Variants in NUTM2F observed in about 807,000 individuals in gnomAD.
NUTM2F encodes the protein family with sequence similarity 22, member F.
Under a neutral mutation model 43.3 loss-of-function variants are expected in NUTM2F, and 22 were observed. The ratio of observed to expected loss-of-function variants is 0.51; its 90% CI spans 0.36 to 0.73. The LOEUF (loss-of-function observed/expected upper bound fraction) is 0.73, where lower values mean the gene tolerates loss of function less well. NUTM2F is among the 30% of genes least tolerant of loss of function. The pLI, the probability that NUTM2F is intolerant of heterozygous loss-of-function variation, is 0.00. For synonymous variants in NUTM2F, 202 were observed against 389.0 expected (o/e 0.52, Z 5.66); for missense variants, 488 against 927.4 (o/e 0.53, Z 6.15).
chr9:94,323,727 T>C (rs1480088575), intron 2 of NUTM2F, among the ~76,000 whole-genome samples: 4 of 152,142 alleles, frequency 2.6e-5, no homozygotes, highest in African/African-American at 7.2e-5. Flanking sequence ...GAAACACCAT[T>C]GTCCTTTTTT....
chr9:94,320,934 G>A lies in NUTM2F; in HGVS notation c.982+159C>T, dbSNP rs182051654. ...TGATCACGGGCCACCCATGAAGTAGGTATTCACCTGGTCAATACCCAACAT... is the reference window on the plus strand; with the variant it reads ...TGATCACGGGCCACCCATGAAGTAGATATTCACCTGGTCAATACCCAACAT... On this transcript the variant is annotated intron_variant, in intron 4 of 6. Coordinates refer to ENST00000253262, the MANE Select transcript of NUTM2F (RefSeq NM_017561.2). The surrounding 1 kb of genome is among the most constrained non-coding windows in gnomAD (Gnocchi z 4.5). Among the ~76,000 whole-genome samples the A allele has an allele frequency of 5.6e-4, 86 of 152,334 alleles. No homozygotes were observed. Among genetic ancestry groups the A allele is most frequent in the African/African-American group, 2.1e-3 (86 of 41,576 alleles).
chr9:94,323,866 T>C (rs2118733993), intron 2 of NUTM2F, among the ~76,000 whole-genome samples: 1 of 152,200 alleles, frequency 6.6e-6, no homozygotes, highest in African/African-American at 2.4e-5. Flanking sequence ...ACAGTGTGGG[T>C]GTGTGCCAGG....
In NUTM2F at chr9:94,320,880, A is replaced by G. The variant is rs1298919866; in HGVS notation, c.982+213T>C. Among the ~76,000 whole-genome samples the G allele has an allele frequency of 6.6e-6, 1 of 152,176 alleles. No individual in the cohort carries two copies. The highest frequency in any genetic ancestry group is 1.5e-5 in the Non-Finnish European group (1 of 68,020). On this transcript the variant is annotated intron_variant, in intron 4 of 6. Coordinates refer to ENST00000253262, the MANE Select transcript of NUTM2F (RefSeq NM_017561.2). The surrounding 1 kb of genome is among the most constrained non-coding windows in gnomAD (Gnocchi z 4.5). ...CAGGCAAGGGGAGAGAGAAAGTAGG[A>G]AACTTGGCCCGGTCAATACCCTGCT...
chr9:94,320,466 G>T lies in NUTM2F; in HGVS notation c.1110C>A (p.Asn370Lys), dbSNP rs201613053. ...GGGGCCTGGGTGGTGGCAGGTGGGC[G>T]TTGGTCTCCGCTGGCCTCTGGGGCC... ...PPRPQRPAET[N>K]AHLPPPRPQR... is the part of the protein sequence containing the mutation. Residue 370 changes from asparagine (N) to lysine (K), a missense_variant, in exon 5 of 7, where the codon AAC becomes AAA. Physicochemically the swap from Asn to Lys is moderately conservative, Grantham distance 94. Coordinates refer to ENST00000253262, the MANE Select transcript of NUTM2F (RefSeq NM_017561.2). This position sits in a 1 kb window ranked among gnomAD's most constrained non-coding sequence, Gnocchi z 4.5. The T allele has an allele frequency of 7.5e-6, 12 of 1,592,030 alleles. No individual in the cohort carries two copies. Among genetic ancestry groups the T allele is most frequent in the Non-Finnish European group, 1.0e-5 (12 of 1,162,990 alleles).
chr9:94,320,916 G>A lies in NUTM2F; in HGVS notation c.982+177C>T, dbSNP rs550201373. On this transcript the variant is annotated intron_variant, in intron 4 of 6. Transcript: ENST00000253262. The surrounding 1 kb of genome is among the most constrained non-coding windows in gnomAD (Gnocchi z 4.5). ...GGTCAATACCCTGCTTCGTGATCAC[G>A]GGCCACCCATGAAGTAGGTATTCAC... Among the ~76,000 whole-genome samples, 14 of 152,264 alleles carry A rather than the reference G, an allele frequency of 9.2e-5. No homozygotes were observed. In the East Asian group the frequency reaches 2.7e-3, roughly 29 times the overall value.
At chr9:94,324,556 G>A (rs1481226490) in intron 2 of NUTM2F, among the ~76,000 whole-genome samples, 11 of 151,234 alleles carry the variant, frequency 7.3e-5, no homozygotes, top group Non-Finnish European at 1.5e-4. Flanking sequence ...CCAGCTACTC[G>A]GGAGCCTGAG....
At position 94,325,879 on chromosome 9, in the gene NUTM2F, CACAG is replaced by C; in HGVS notation, c.68_71del (p.Ser23CysfsTer21). 1 of 1,611,974 alleles carries C rather than the reference CACAG, an allele frequency of 6.2e-7. No homozygotes were observed. The highest frequency in any genetic ancestry group is 8.5e-7 in the Non-Finnish European group (1 of 1,179,868). ...GTGTGGCAAAGGGCAGAGCCGTGAA[CACAG>C]ACAGGGAGGTGCCAGGGTTCACGGT... On this transcript the variant is annotated frameshift_variant, in exon 2 of 7. Transcript: ENST00000253262. LOFTEE classifies it high-confidence loss of function.
At position 94,320,450 on chromosome 9, in the gene NUTM2F, G is replaced by T. The variant is rs1373570498; in HGVS notation, c.1126C>A (p.Pro376Thr). ...PAETNAHLPPPRPQRPAETKV... is the reference protein window; with the variant it reads ...PAETNAHLPPTRPQRPAETKV... The stretch of plus-strand genomic sequence containing the variant: ...GTCTCCGCTGGCCTCTGGGGCCTGG[G>T]TGGTGGCAGGTGGGCGTTGGTCTCC... Residue 376 changes from proline to threonine, a missense_variant, in exon 5 of 7, where the codon CCC becomes ACC. Physicochemically the swap from Pro to Thr is conservative, Grantham distance 38. Coordinates refer to ENST00000253262, the MANE Select transcript of NUTM2F (RefSeq NM_017561.2). This position sits in a 1 kb window ranked among gnomAD's most constrained non-coding sequence, Gnocchi z 4.5. 6.2e-7 allele frequency: 1 copy of T among 1,603,838 alleles called. No individual in the cohort carries two copies. Among genetic ancestry groups the T allele is most frequent in the Non-Finnish European group, 8.5e-7 (1 of 1,174,772 alleles).
chr9:94,326,374 T>C (rs888513566), intron 1 of NUTM2F, among the ~76,000 whole-genome samples: 46 of 151,310 alleles, frequency 3.0e-4, no homozygotes, highest in African/African-American at 1.1e-3. Context: ...TTCCGAATAT[T>C]ATGGCCCCAT....
At chr9:94,319,547 G>A (rs1831328270) in intron 6 of NUTM2F, 66 bp downstream of exon 6, 4 of 1,602,312 alleles carry the variant, frequency 2.5e-6, no homozygotes, top group Admixed American at 3.3e-5. Flanking sequence ...ACAATCGGGT[G>A]GGCCTTGTGT....
intron 5 of NUTM2F, 47 bp from the exon 6 acceptor site, chr9:94,319,776 C>T (rs1831331714): frequency 1.9e-6 from 3 of 1,600,256 alleles, no homozygotes; most frequent in South Asian, 1.1e-5. Flanking sequence ...GAGGGAGTAA[C>T]CTGGAGCCAA....
Position 94,320,025 on chromosome 9 carries a change from C to G in NUTM2F, c.1368+183G>C, listed in dbSNP as rs572652680. On this transcript the variant is annotated intron_variant, in intron 5 of 6. Transcript: ENST00000253262. This position sits in a 1 kb window ranked among gnomAD's most constrained non-coding sequence, Gnocchi z 4.5. ...ACACCCACACAGACACACAAAGACACAGTAACAAATCACAGACACAAACAC... is the reference window on the plus strand; with the variant it reads ...ACACCCACACAGACACACAAAGACAGAGTAACAAATCACAGACACAAACAC... Among the ~76,000 whole-genome samples the G allele has an allele frequency of 1.3e-5, 2 of 152,144 alleles. No homozygotes were observed. Among genetic ancestry groups the G allele is most frequent in the Admixed American group, 6.5e-5 (1 of 15,272 alleles).
chr9:94,324,772 C>T (rs71498644), intron 2 of NUTM2F, among the ~76,000 whole-genome samples: 1 of 151,498 alleles, frequency 6.6e-6, no homozygotes, highest in African/African-American at 2.4e-5. Flanking sequence ...GGGCAGATCA[C>T]CTGAGGTCGG....
rs745761749 is a variant in NUTM2F, at chr9:94,321,188, G to A, written c.887C>T (p.Ser296Leu). Residue 296 changes from serine to leucine, a missense_variant, in exon 4 of 7, where the codon TCG becomes TTG. Transcript: ENST00000253262. ...GCTCTGGGGCCCCTTCATCCACTGC[G>A]ATTTCTGAATCTGCATCTCCTCCTC... is the stretch of plus-strand genomic sequence containing the variant. ...EAEEEMQIQK[S>L]QWMKGPQSLP... 47 of 1,566,866 alleles carry A rather than the reference G, an allele frequency of 3.0e-5. No individual in the cohort carries two copies. In the East Asian group the frequency reaches 6.5e-4, roughly 22 times the overall value.
At chr9:94,323,546 C>A (rs1489770022) in intron 2 of NUTM2F, among the ~76,000 whole-genome samples, 1 of 152,140 alleles carries the variant, frequency 6.6e-6, no homozygotes, top group African/African-American at 2.4e-5. Context: ...AGAGCTATCA[C>A]TGGAGCCCGT....
intron 5 of NUTM2F, 145 bp from the exon 6 acceptor site, chr9:94,319,874 C>A: frequency 1.9e-6 from 2 of 1,033,838 alleles, no homozygotes; most frequent in Non-Finnish European, 3.0e-6. Flanking sequence ...ACCAGCTACA[C>A]GCACAGACCA....
At chr9:94,322,900 C>CG in intron 2 of NUTM2F, among the ~76,000 whole-genome samples, 1 of 152,112 alleles carries the variant, frequency 6.6e-6, no homozygotes, top group South Asian at 2.1e-4. Flanking sequence ...CTATGGGATT[C>CG]GTTACGGCAG....
intron 2 of NUTM2F, among the ~76,000 whole-genome samples, chr9:94,322,751 C>T (rs890865115): frequency 1.5e-4 from 23 of 151,846 alleles, no homozygotes. Flanking sequence ...CTCTCAGCCA[C>T]AAGAGCACAC....
intron 5 of NUTM2F, 94 bp from the exon 6 acceptor site, chr9:94,319,823 C>G: frequency 6.6e-7 from 1 of 1,517,536 alleles, no homozygotes; most frequent in Non-Finnish European, 9.1e-7. Flanking sequence ...GGGGAGGGCC[C>G]CATTCCCACC....
Sources: allele counts gnomAD v4.1 joint callset (sites outside exome capture counted in the v4.1 genomes callset), GRCh38; gene constraint gnomAD v4.1.1; non-coding constraint Gnocchi (gnomAD v3.1); transcripts MANE v1.5; gene names NCBI Gene and HGNC (gene_info 2026-07-23, HGNC 2026-07-21).